Variants in MAP3K7CL observed in about 807,000 individuals in gnomAD.
MAP3K7CL encodes MAP3K7 C-terminal-like protein.
A neutral mutation model predicts 18.6 loss-of-function variants in MAP3K7CL; 16 were observed. That is an observed-to-expected ratio of 0.86 (90% CI 0.58 to 1.31). The LOEUF (loss-of-function observed/expected upper bound fraction) is 1.31. Ranked by LOEUF, MAP3K7CL falls within the 50% of genes most tolerant of loss-of-function variation. The pLI is 0.00. For synonymous variants in MAP3K7CL, 65 were observed against 66.8 expected, an observed-to-expected ratio of 0.97 and a Z score of 0.13; for missense variants, 163 against 174.4, an observed-to-expected ratio of 0.93 and a Z score of 0.37.
chr21:29,151,285 C>G (rs1380266989), intron 3 of MAP3K7CL, among the ~76,000 whole-genome samples: 14 of 151,388 alleles, frequency 9.2e-5, no homozygotes, highest in Admixed American at 9.2e-4. Flanking sequence ...GGTGAAACCC[C>G]ATCTCTACTA....
chr21:29,122,423 T>A (rs1273679863), intron 4 of MAP3K7CL, among the ~76,000 whole-genome samples: 1 of 152,228 alleles, frequency 6.6e-6, no homozygotes. Context: ...TGAGCTCTCA[T>A]TCAGTGTCCA....
chr21:29,140,938 C>T (rs1197767072), intron 2 of MAP3K7CL, among the ~76,000 whole-genome samples: 2 of 152,020 alleles, frequency 1.3e-5, no homozygotes, highest in African/African-American at 2.4e-5. Context: ...CCATGATACT[C>T]GGTTTCTTGT....
chr21:29,089,914 T>G (rs1176138182), intron 1 of MAP3K7CL, among the ~76,000 whole-genome samples: 14 of 134,500 alleles, frequency 1.0e-4, no homozygotes, highest in Admixed American at 1.5e-4. Context: ...AGGAAGGGAG[T>G]AAGGAGAATA....
chr21:29,093,576 G>T (rs939444593), intron 4 of MAP3K7CL, among the ~76,000 whole-genome samples: 3 of 152,042 alleles, frequency 2.0e-5, no homozygotes, highest in African/African-American at 7.3e-5. Context: ...CCGCCTCCTG[G>T]GTTCACGCCA....
chr21:29,175,807 AT>A lies in MAP3K7CL; in HGVS notation c.*919del, dbSNP rs2087954026. ...TTCTCCTTGTTCTACCTATCACCAC[AT>A]TTTCTCAAATTGAACTCTTTGTTAT... On this transcript the variant is annotated 3_prime_UTR_variant, in exon 5 of 5. Coordinates refer to ENST00000399928, the MANE Select transcript of MAP3K7CL (RefSeq NM_001286620.2). The A allele has an allele frequency of 6.6e-6, 1 of 152,038 alleles. No homozygotes were observed. The highest frequency in any genetic ancestry group is 2.4e-5 in the African/African-American group (1 of 41,404). The allele number at this position is 152,038 out of a possible 1,614,324, so 9.4% of individuals were successfully genotyped here.
At chr21:29,088,648 T>G (rs995771157) in intron 1 of MAP3K7CL, among the ~76,000 whole-genome samples, 1 of 152,226 alleles carries the variant, frequency 6.6e-6, no homozygotes, top group Non-Finnish European at 1.5e-5. Context: ...TGAAGCCTGG[T>G]TATCATTACA....
Position 29,160,061 on chromosome 21 carries a change from G to C in MAP3K7CL, c.248+5G>C. The C allele has an allele frequency of 6.2e-7, 1 of 1,607,526 alleles. No homozygotes were observed. The highest frequency in any genetic ancestry group is 8.5e-7 in the Non-Finnish European group (1 of 1,174,090). ...CACCCTGCTTGAGCAAAGGAAGTAA[G>C]TACCTACCCCCCTCACTCTACATCT... On this transcript the variant is annotated splice_donor_5th_base_variant and intron_variant, in intron 4 of 4. Transcript: ENST00000399928.
chr21:29,109,264 A>G (rs1019944995), intron 4 of MAP3K7CL: 3 of 1,529,184 alleles, frequency 2.0e-6, no homozygotes, highest in Non-Finnish European at 1.8e-6. Context: ...ACAACCAGAT[A>G]GTGCATGTGT....
chr21:29,077,203 C>G (rs2085763438), upstream of MAP3K7CL, among the ~76,000 whole-genome samples: 1 of 152,274 alleles, frequency 6.6e-6, no homozygotes, highest in South Asian at 2.1e-4. Context: ...CCACACTCCT[C>G]AGCCCTTGGG....
At chr21:29,102,404 T>G (rs2086245540) in intron 4 of MAP3K7CL, 2 of 151,242 alleles carry the variant, frequency 1.3e-5, no homozygotes. Flanking sequence ...AGGCTAAATC[T>G]CAGCTTTTTA....
chr21:29,131,023 T>G, intron 1 of MAP3K7CL, 100 bp downstream of exon 1: 31 of 745,304 alleles, frequency 4.2e-5, no homozygotes, highest in South Asian at 1.2e-4. Flanking sequence ...AACCTGTGGT[T>G]CGTTTCCCCA....
chr21:29,153,180 A>C (rs2087317906), intron 3 of MAP3K7CL, among the ~76,000 whole-genome samples: 1 of 152,236 alleles, frequency 6.6e-6, no homozygotes, highest in African/African-American at 2.4e-5. Flanking sequence ...CTATTAATGC[A>C]AAATATTGAG....
intron 4 of MAP3K7CL, among the ~76,000 whole-genome samples, chr21:29,174,226 A>G (rs920273084): frequency 5.3e-5 from 8 of 152,170 alleles, no homozygotes; most frequent in African/African-American, 1.9e-4. Context: ...ATCTACAAGG[A>G]CAGAGTTGGG....
At chr21:29,151,449 G>C (rs2087273894) in intron 3 of MAP3K7CL, among the ~76,000 whole-genome samples, 1 of 151,924 alleles carries the variant, frequency 6.6e-6, no homozygotes, top group South Asian at 2.1e-4. Context: ...ACTCCAGCCT[G>C]GGCAACAGAG....
At chr21:29,102,307 C>T (rs1052797162) in intron 4 of MAP3K7CL, among the ~76,000 whole-genome samples, 2 of 152,026 alleles carry the variant, frequency 1.3e-5, no homozygotes, top group Admixed American at 6.6e-5. Context: ...ACAAAGAGGC[C>T]GTTCTTGGAA....
intron 1 of MAP3K7CL, among the ~76,000 whole-genome samples, chr21:29,086,829 A>G (rs1182571939): frequency 6.6e-6 from 1 of 152,204 alleles, no homozygotes; most frequent in Non-Finnish European, 1.5e-5. Context: ...GGGTTTTATC[A>G]TATATCAACA....
upstream of MAP3K7CL, chr21:29,077,491 G>GCACCTCTCCCTCCA (rs1442894410): frequency 1.3e-5 from 2 of 154,444 alleles, no homozygotes. Flanking sequence ...GTTCCTGCCC[G>GCACCTCTCCCTCCA]CACCTCTCCC....
chr21:29,114,622 C>A (rs945399458), intron 4 of MAP3K7CL, among the ~76,000 whole-genome samples: 9 of 152,126 alleles, frequency 5.9e-5, no homozygotes, highest in African/African-American at 2.2e-4. Context: ...AACTCCTGGG[C>A]TCAAAAGATC....
chr21:29,102,501 A>C (rs1248598482), intron 4 of MAP3K7CL: 1 of 138,132 alleles, frequency 7.2e-6, no homozygotes, highest in Non-Finnish European at 1.6e-5. Flanking sequence ...TTTTTTTTTA[A>C]ACACAGGGTC....
Sources: gnomAD v4.1 joint callset for allele counts (sites outside exome capture counted in the v4.1 genomes callset) on GRCh38, gnomAD v4.1.1 for gene constraint, MANE v1.5 for transcripts, NCBI Gene and HGNC (gene_info 2026-07-23, HGNC 2026-07-21) for gene names.